Variants in ASB3 observed in about 807,000 individuals in gnomAD.
The protein encoded by ASB3 is ankyrin repeat and SOCS box containing 3.
Under a neutral mutation model 54.5 loss-of-function variants are expected in ASB3, and 41 were observed. The observed-to-expected ratio is 0.75, with a 90% CI of 0.59 to 0.98. The LOEUF is 0.98. Ranked by LOEUF, ASB3 falls within the 50% of genes least tolerant of loss-of-function variation. The pLI is 0.00. For synonymous variants in ASB3, 266 were observed against 221.2 expected, an observed-to-expected ratio of 1.20 and a Z score of -1.80; for missense variants, 733 against 620.0, an observed-to-expected ratio of 1.18 and a Z score of -1.94.
chr2:53,670,368 C>A lies in ASB3; in HGVS notation c.*135G>T. 1.2e-6 allele frequency: 1 copy of A among 860,610 alleles called. No homozygotes were observed. The highest frequency in any genetic ancestry group is 3.7e-4 in the Middle Eastern group (1 of 2,680). 53.3% of individuals were successfully genotyped at this position (860,610 alleles called of 1,614,324 possible). A position where few individuals can be genotyped will look rare whatever the true frequency, so the allele number is the denominator to read the frequency against. On this transcript the variant is annotated 3_prime_UTR_variant, in exon 10 of 10. Coordinates refer to ENST00000263634, the MANE Select transcript of ASB3 (RefSeq NM_016115.5). ...AAACATTCTCACTGAACTACTGGCC[C>A]CCCAAAACCTAACCTATCTCACAAT...
intron 9 of ASB3, among the ~76,000 whole-genome samples, chr2:53,681,273 T>C (rs1668357612): frequency 6.6e-6 from 1 of 152,230 alleles, no homozygotes; most frequent in Middle Eastern, 3.2e-3. Flanking sequence ...GGTCTATTTT[T>C]AGTTTTTTGA....
chr2:53,765,113 G>A (rs1194018203), intron 2 of ASB3, among the ~76,000 whole-genome samples: 4 of 152,148 alleles, frequency 2.6e-5, no homozygotes, highest in African/African-American at 9.7e-5. Context: ...TCAAACAGCA[G>A]ACTACTTCTC....
intron 9 of ASB3, among the ~76,000 whole-genome samples, chr2:53,678,869 TG>T (rs1208447772): frequency 6.6e-6 from 1 of 152,206 alleles, no homozygotes. Flanking sequence ...TTGCAAGGTC[TG>T]GGGGGCAATG....
intron 7 of ASB3, among the ~76,000 whole-genome samples, chr2:53,702,613 C>T (rs1324890585): frequency 6.6e-6 from 1 of 152,066 alleles, no homozygotes; most frequent in African/African-American, 2.4e-5. Flanking sequence ...AGGGACTGTA[C>T]ATTATATAAG....
chr2:53,744,225 A>G (rs1467848560), intron 3 of ASB3, among the ~76,000 whole-genome samples: 1 of 151,440 alleles, frequency 6.6e-6, no homozygotes, highest in Non-Finnish European at 1.5e-5. Flanking sequence ...AAATACAAAA[A>G]AAAAAAAAAT....
intron 2 of ASB3, among the ~76,000 whole-genome samples, chr2:53,751,262 A>G (rs1422132641): frequency 6.6e-6 from 1 of 152,168 alleles, no homozygotes; most frequent in Non-Finnish European, 1.5e-5. Flanking sequence ...ATGCAGCACT[A>G]AATATTTGCT....
chr2:53,743,935 C>G (rs894891766), intron 3 of ASB3, among the ~76,000 whole-genome samples: 2 of 151,148 alleles, frequency 1.3e-5, no homozygotes, highest in African/African-American at 4.9e-5. Context: ...CTCAGCTACT[C>G]GGGAGGCTAA....
chr2:53,700,613 A>C, intron 7 of ASB3, 85 bp from the exon 8 acceptor site: 1 of 1,490,274 alleles, frequency 6.7e-7, no homozygotes. Flanking sequence ...TAGTAGTTAC[A>C]GCTGGGGAAT....
At chr2:53,674,510 T>G (rs1199251792) in intron 9 of ASB3, among the ~76,000 whole-genome samples, 1 of 152,188 alleles carries the variant, frequency 6.6e-6, no homozygotes, top group African/African-American at 2.4e-5. Flanking sequence ...GTCACAATTC[T>G]TAATTCATTA....
At chr2:53,779,379 C>G (rs1230260645) in intron 1 of ASB3, among the ~76,000 whole-genome samples, 2 of 152,110 alleles carry the variant, frequency 1.3e-5, no homozygotes, top group Non-Finnish European at 2.9e-5. Flanking sequence ...TATTCTCTAA[C>G]AAGCAACTTT....
intron 1 of ASB3, among the ~76,000 whole-genome samples, chr2:53,782,703 G>A (rs1158096937): frequency 6.6e-6 from 1 of 152,176 alleles, no homozygotes; most frequent in Non-Finnish European, 1.5e-5. Context: ...GAGGAGGAAA[G>A]AGGCAACTCG....
chr2:53,753,023 G>C (rs1037069226), intron 2 of ASB3, among the ~76,000 whole-genome samples: 3 of 151,824 alleles, frequency 2.0e-5, no homozygotes, highest in Admixed American at 6.6e-5. Context: ...AGCAGAAAGA[G>C]TGAACCTTAA....
At chr2:53,711,510 G>A (rs1041676473) in intron 7 of ASB3, among the ~76,000 whole-genome samples, 18 of 152,258 alleles carry the variant, frequency 1.2e-4, no homozygotes, top group Admixed American at 2.6e-4. Flanking sequence ...AAGGCCAGGC[G>A]CGGTGACTCA....
intron 5 of ASB3, among the ~76,000 whole-genome samples, chr2:53,727,518 C>T (rs557620654): frequency 6.6e-6 from 1 of 152,048 alleles, no homozygotes; most frequent in African/African-American, 2.4e-5. Context: ...CACCTGTAAT[C>T]GCAGCTATTT....
intron 7 of ASB3, among the ~76,000 whole-genome samples, chr2:53,713,481 TTA>T (rs1487778372): frequency 6.6e-6 from 1 of 152,250 alleles, no homozygotes; most frequent in African/African-American, 2.4e-5. Context: ...TGTAAGAGTG[TTA>T]TAGACAAAGT....
intron 7 of ASB3, among the ~76,000 whole-genome samples, chr2:53,702,845 T>C (rs979293353): frequency 6.6e-6 from 1 of 152,226 alleles, no homozygotes; most frequent in Non-Finnish European, 1.5e-5. Flanking sequence ...ATCTTCAGCA[T>C]TTTATGTTCA....
At chr2:53,740,559 T>A (rs3770397) in intron 3 of ASB3, among the ~76,000 whole-genome samples, 15,620 of 152,198 alleles carry the variant, frequency 0.1, 952 homozygotes, top group East Asian at 0.17. Context: ...CAGAATTTTT[T>A]AAAAATTATA....
At chr2:53,730,308 T>A (rs1462648685) in intron 3 of ASB3, among the ~76,000 whole-genome samples, 1 of 152,140 alleles carries the variant, frequency 6.6e-6, no homozygotes, top group Non-Finnish European at 1.5e-5. Flanking sequence ...AGGTATACTG[T>A]GAATGTTGTT....
chr2:53,749,187 A>G (rs1459068027), intron 3 of ASB3, among the ~76,000 whole-genome samples: 3 of 152,128 alleles, frequency 2.0e-5, no homozygotes, highest in African/African-American at 7.2e-5. Context: ...ATGGAAAATA[A>G]TCATATGAAT....
Sources: gnomAD v4.1 joint callset for allele counts (sites outside exome capture counted in the v4.1 genomes callset) on GRCh38, gnomAD v4.1.1 for gene constraint, MANE v1.5 for transcripts, NCBI Gene and HGNC (gene_info 2026-07-23, HGNC 2026-07-21) for gene names.